Variants in DPP6 observed in about 807,000 individuals in gnomAD.
DPP6 encodes the protein A-type potassium channel modulatory protein DPP6.
A neutral mutation model predicts 122.6 loss-of-function variants in DPP6; 69 were observed. The ratio of observed to expected loss-of-function variants is 0.56; its 90% CI spans 0.46 to 0.69. DPP6 has a LOEUF of 0.69. Among genes scored for constraint, DPP6 ranks in the 30% least tolerant of loss-of-function variants. The pLI, the probability that DPP6 is intolerant of heterozygous loss-of-function variation, is 0.00. For synonymous variants in DPP6, 418 were observed against 433.1 expected (o/e 0.97, Z 0.43); for missense variants, 928 against 1,116.9 (o/e 0.83, Z 2.41).
chr7:154,871,299 GT>G (rs1187321348), intron 18 of DPP6, among the ~76,000 whole-genome samples: 1 of 152,176 alleles, frequency 6.6e-6, no homozygotes, highest in Non-Finnish European at 1.5e-5. Context: ...CCAGCAGGGG[GT>G]TTCCTTAAAA....
chr7:154,387,367 G>C (rs1814211030), intron 1 of DPP6, among the ~76,000 whole-genome samples: 1 of 152,296 alleles, frequency 6.6e-6, no homozygotes, highest in South Asian at 2.1e-4. Context: ...AAAGGCCATA[G>C]TTGCTGCAAG....
intron 3 of DPP6, among the ~76,000 whole-genome samples, chr7:154,520,905 T>A (rs894392489): frequency 6.6e-6 from 1 of 152,178 alleles, no homozygotes; most frequent in Non-Finnish European, 1.5e-5. Flanking sequence ...TAATGCCTAA[T>A]ATAAGTAGCA....
At chr7:154,423,163 G>T (rs1465699527) in intron 1 of DPP6, among the ~76,000 whole-genome samples, 1 of 152,150 alleles carries the variant, frequency 6.6e-6, no homozygotes, top group African/African-American at 2.4e-5. Flanking sequence ...TATTGCAATA[G>T]GGAAAAGAAT....
intron 1 of DPP6, among the ~76,000 whole-genome samples, chr7:154,000,119 G>A (rs1797626810): frequency 6.8e-6 from 1 of 148,024 alleles, no homozygotes; most frequent in Non-Finnish European, 1.5e-5. Context: ...ATAGGTTCCG[G>A]GCATGATAAT....
At chr7:153,987,680 A>G (rs71530445) in intron 1 of DPP6, among the ~76,000 whole-genome samples, 6 of 152,210 alleles carry the variant, frequency 3.9e-5, no homozygotes, top group South Asian at 2.1e-4. Flanking sequence ...GTCAGTCACC[A>G]TCGGAGGACC....
At chr7:154,655,863 C>T (rs1212560613) in intron 6 of DPP6, among the ~76,000 whole-genome samples, 1 of 152,170 alleles carries the variant, frequency 6.6e-6, no homozygotes, top group African/African-American at 2.4e-5. Flanking sequence ...CAGGCTTTGA[C>T]TAAATCTTCA....
intron 1 of DPP6, among the ~76,000 whole-genome samples, chr7:153,928,773 A>C (rs1283382351): frequency 3.3e-5 from 5 of 152,118 alleles, no homozygotes; most frequent in Non-Finnish European, 5.9e-5. Context: ...TAGCAGACTT[A>C]CATTGATTTT....
intron 5 of DPP6, among the ~76,000 whole-genome samples, chr7:154,607,561 C>CAAAA (rs1162220684): frequency 1.3e-4 from 3 of 22,362 alleles, no homozygotes; most frequent in African/African-American, 4.3e-4. Flanking sequence ...GACTCTGTCT[C>CAAAA]AAAAAAAAAA....
chr7:153,779,218 C>T, the DPP6 span, among the ~76,000 whole-genome samples: 1 of 146,090 alleles, frequency 6.8e-6, no homozygotes, highest in East Asian at 2.0e-4. Flanking sequence ...TGGTGGAGTT[C>T]AGAACTGGGG....
chr7:154,587,543 T>C (rs1198589790), intron 5 of DPP6: 5 of 1,245,202 alleles, frequency 4.0e-6, no homozygotes, highest in South Asian at 1.5e-5. Context: ...TGCCCATTGA[T>C]TTTTGTTTCT....
At chr7:154,594,512 C>G (rs889877198) in intron 5 of DPP6, among the ~76,000 whole-genome samples, 1 of 152,152 alleles carries the variant, frequency 6.6e-6, no homozygotes, top group Admixed American at 6.5e-5. Context: ...CCTTCTCACC[C>G]CAGGTTATCT....
chr7:154,270,087 C>T (rs1278632439), intron 1 of DPP6, among the ~76,000 whole-genome samples: 1 of 152,076 alleles, frequency 6.6e-6, no homozygotes, highest in Non-Finnish European at 1.5e-5. Flanking sequence ...TCTCATTTTC[C>T]CATCGAGTTA....
At chr7:154,058,483 G>C (rs1434663785) in intron 1 of DPP6, 1 of 138,974 alleles carries the variant, frequency 7.2e-6, no homozygotes, top group Non-Finnish European at 1.6e-5. Flanking sequence ...CGTAGGGGGG[G>C]GGAGGCACCC....
At chr7:153,899,817 C>A (rs1478368119) in intron 1 of DPP6, among the ~76,000 whole-genome samples, 1 of 152,168 alleles carries the variant, frequency 6.6e-6, no homozygotes, top group Admixed American at 6.5e-5. Flanking sequence ...GGTGTGTACT[C>A]ACATGCGTAT....
chr7:153,991,664 G>A (rs1002582411), intron 1 of DPP6, among the ~76,000 whole-genome samples: 17 of 152,148 alleles, frequency 1.1e-4, no homozygotes, highest in Non-Finnish European at 2.9e-5. Context: ...GGGCCCAAGG[G>A]ACCAGTCTGG....
chr7:154,253,885 A>G (rs1802500158), intron 1 of DPP6, among the ~76,000 whole-genome samples: 1 of 152,204 alleles, frequency 6.6e-6, no homozygotes, highest in South Asian at 2.1e-4. Context: ...GTGGGAGGTA[A>G]AGGGGAAGCA....
intron 9 of DPP6, among the ~76,000 whole-genome samples, chr7:154,771,422 G>A (rs1366191604): frequency 6.6e-6 from 1 of 152,262 alleles, no homozygotes; most frequent in Non-Finnish European, 1.5e-5. Context: ...GAAGGGGCAA[G>A]AGAGGGCTCT....
intron 1 of DPP6, among the ~76,000 whole-genome samples, chr7:154,208,301 A>G (rs900901297): frequency 6.6e-6 from 1 of 152,234 alleles, no homozygotes; most frequent in Non-Finnish European, 1.5e-5. Context: ...AGAGTTGGCT[A>G]GAGACAAGGA....
chr7:153,863,606 G>A, the DPP6 span, among the ~76,000 whole-genome samples: 11 of 152,028 alleles, frequency 7.2e-5, no homozygotes, highest in African/African-American at 2.4e-4. Flanking sequence ...AATACGACGT[G>A]GAAATCAATG....
Sources: allele counts gnomAD v4.1 joint callset (sites outside exome capture counted in the v4.1 genomes callset), GRCh38; gene constraint gnomAD v4.1.1; transcripts MANE v1.5; gene names NCBI Gene and HGNC (gene_info 2026-07-23, HGNC 2026-07-21).